LRBA: variants seen among roughly 807,000 people sequenced by gnomAD.
The protein encoded by LRBA is lipopolysaccharide-responsive and beige-like anchor protein.
In LRBA, 176 loss-of-function variants were observed where a neutral mutation model predicts 330.0. The observed-to-expected ratio is 0.53, with a 90% CI of 0.47 to 0.60. The LOEUF is 0.60. Among genes scored for constraint, LRBA ranks in the 20% least tolerant of loss-of-function variants. The pLI is 0.00. For synonymous variants in LRBA, 1,230 were observed against 1,193.0 expected (o/e 1.03, Z -0.64); for missense variants, 3,259 against 3,444.8 (o/e 0.95, Z 1.35).
chr4:150,779,714 T>A (rs1031412058), intron 34 of LRBA, among the ~76,000 whole-genome samples: 1 of 152,174 alleles, frequency 6.6e-6, no homozygotes, highest in African/African-American at 2.4e-5. Flanking sequence ...TATAAACTTA[T>A]ATAAAATTCA....
intron 47 of LRBA, among the ~76,000 whole-genome samples, chr4:150,350,664 T>C (rs1216957020): frequency 6.6e-6 from 1 of 152,106 alleles, no homozygotes; most frequent in Non-Finnish European, 1.5e-5. Flanking sequence ...GCACTTGGCA[T>C]AATTAATTAC....
chr4:151,004,803 C>T (rs1469465206), intron 2 of LRBA, among the ~76,000 whole-genome samples: 2 of 151,624 alleles, frequency 1.3e-5, no homozygotes, highest in Non-Finnish European at 2.9e-5. Flanking sequence ...CTGGGCAACA[C>T]AGTGAAACCC....
intron 47 of LRBA, among the ~76,000 whole-genome samples, chr4:150,374,981 G>A (rs991144741): frequency 2.6e-4 from 40 of 152,082 alleles, no homozygotes; most frequent in African/African-American, 8.9e-4. Flanking sequence ...TTTAATAAAG[G>A]TTCTATTCAC....
intron 35 of LRBA, among the ~76,000 whole-genome samples, chr4:150,760,059 T>G (rs752652479): frequency 3.9e-5 from 6 of 152,186 alleles, no homozygotes; most frequent in Non-Finnish European, 7.4e-5. Context: ...CTAAAAATTA[T>G]AAAAAATCTG....
At chr4:150,504,645 A>C (rs991252138) in intron 40 of LRBA, among the ~76,000 whole-genome samples, 8 of 152,216 alleles carry the variant, frequency 5.3e-5, no homozygotes, top group African/African-American at 1.9e-4. Flanking sequence ...AAACATGCCA[A>C]ATTGTAAAGA....
chr4:150,681,023 T>C (rs1264052739), intron 37 of LRBA, among the ~76,000 whole-genome samples: 1 of 152,202 alleles, frequency 6.6e-6, no homozygotes, highest in Non-Finnish European at 1.5e-5. Context: ...TTTCTAAATA[T>C]TCTAATATGA....
rs1365419080 is a variant in LRBA at position 150,966,260 on chromosome 4, C to T, written c.217-37195G>A. 2.0e-5 allele frequency among the ~76,000 whole-genome samples: 3 copies of T among 151,620 alleles called. No individual in the cohort carries two copies. In the South Asian group the frequency reaches 6.3e-4, roughly 32 times the overall value. ...ATACCCAAGTGGTATATTTGTAGCT[C>T]ATTCTCTTAAGTGCTACATCTTACT... On this transcript the variant is annotated intron_variant, in intron 2 of 56. Coordinates refer to ENST00000651943, the MANE Select transcript of LRBA (RefSeq NM_001364905.1).
chr4:150,324,001 T>C (rs1049920973), intron 49 of LRBA, among the ~76,000 whole-genome samples: 2 of 152,198 alleles, frequency 1.3e-5, no homozygotes, highest in African/African-American at 4.8e-5. Flanking sequence ...CATGCACATA[T>C]GGACAAAGCG....
intron 47 of LRBA, among the ~76,000 whole-genome samples, chr4:150,364,098 C>T (rs1739096707): frequency 6.6e-6 from 1 of 152,144 alleles, no homozygotes; most frequent in Admixed American, 6.5e-5. Context: ...TTTATTTTCT[C>T]TTCAATAGTG....
chr4:150,759,927 A>G (rs935707471), intron 35 of LRBA, among the ~76,000 whole-genome samples: 1 of 152,194 alleles, frequency 6.6e-6, no homozygotes, highest in Non-Finnish European at 1.5e-5. Context: ...TGCCTCATCT[A>G]TTAAATGTAA....
At chr4:150,441,942 C>T (rs1442947074) in intron 44 of LRBA, among the ~76,000 whole-genome samples, 1 of 152,150 alleles carries the variant, frequency 6.6e-6, no homozygotes, top group Non-Finnish European at 1.5e-5. Context: ...CAAAAAAATA[C>T]TTAACAAGTG....
chr4:150,776,809 CA>C (rs1327596295), intron 34 of LRBA, among the ~76,000 whole-genome samples: 1 of 150,708 alleles, frequency 6.6e-6, no homozygotes, highest in Non-Finnish European at 1.5e-5. Flanking sequence ...GACTCCGTGT[CA>C]AAAAAATAAA....
At chr4:150,559,710 A>ATC (rs1389789107) in intron 40 of LRBA, among the ~76,000 whole-genome samples, 51 of 89,690 alleles carry the variant, frequency 5.7e-4, no homozygotes, top group Non-Finnish European at 8.9e-4. Flanking sequence ...ATATTATATA[A>ATC]TATTATAGAT....
intron 40 of LRBA, among the ~76,000 whole-genome samples, chr4:150,543,624 G>T (rs570809062): frequency 1.4e-3 from 210 of 152,094 alleles, no homozygotes; most frequent in African/African-American, 4.8e-3. Context: ...AAAAATATTT[G>T]CAATTGGATC....
At position 150,850,778 on chromosome 4, in the gene LRBA, C is replaced by A. The variant is rs1047132889; in HGVS notation, c.3950G>T (p.Arg1317Leu). ...PEFNWSQMHQRLLTDLLFSIE... is the reference protein window; with the variant it reads ...PEFNWSQMHQLLLTDLLFSIE... ...TGAAAATAATAGATCAGTGAGCAAA[C>A]GTTGATGCATCTGAGACCAGTTGAA... is the stretch of plus-strand genomic sequence containing the variant. The change falls in exon 24 of 57, where the codon CGT becomes CTT. Residue 1317 changes from arginine (R) to leucine (L), a missense_variant. Physicochemically the swap from Arg to Leu is moderately radical, Grantham distance 102. Transcript: ENST00000651943. 1 of 1,613,502 alleles carries A rather than the reference C, an allele frequency of 6.2e-7. No homozygotes were observed. Among genetic ancestry groups the A allele is most frequent in the South Asian group, 1.1e-5 (1 of 91,064 alleles).
At chr4:150,571,919 G>C (rs1021066921) in intron 40 of LRBA, among the ~76,000 whole-genome samples, 1 of 150,942 alleles carries the variant, frequency 6.6e-6, no homozygotes, top group South Asian at 2.1e-4. Flanking sequence ...GTCCTGGTAC[G>C]ACCCAAACTC....
At chr4:150,367,708 T>A (rs62347029) in intron 47 of LRBA, among the ~76,000 whole-genome samples, 21,142 of 152,238 alleles carry the variant, frequency 0.14, 1,980 homozygotes, top group Non-Finnish European at 0.21. Context: ...TATTAGGAGC[T>A]CAGCATCTAG....
intron 37 of LRBA, among the ~76,000 whole-genome samples, chr4:150,648,247 A>T (rs1200119292): frequency 2.6e-5 from 4 of 151,186 alleles, no homozygotes; most frequent in Non-Finnish European, 5.9e-5. Context: ...GTCTACACAA[A>T]CAAATATCAT....
intron 37 of LRBA, among the ~76,000 whole-genome samples, chr4:150,637,108 T>C (rs1778002107): frequency 6.6e-6 from 1 of 152,156 alleles, no homozygotes; most frequent in African/African-American, 2.4e-5. Context: ...ATTCTCATAA[T>C]TATATAATAA....
Sources: allele counts gnomAD v4.1 joint callset (sites outside exome capture counted in the v4.1 genomes callset), GRCh38; gene constraint gnomAD v4.1.1; transcripts MANE v1.5; gene names NCBI Gene and HGNC (gene_info 2026-07-23, HGNC 2026-07-21).